The following ADK variants were observed in gnomAD, a reference collection of about 807,000 sequenced individuals.
The protein encoded by ADK is adenosine kinase, also known as N6,N6-dimethyladenosine kinase.
In ADK, 24 loss-of-function variants were observed where a neutral mutation model predicts 44.7. That is an observed-to-expected ratio of 0.54 (90% CI 0.39 to 0.76). ADK has a LOEUF of 0.76. ADK is among the 30% of genes least tolerant of loss of function. ADK has a pLI of 0.00. For synonymous variants in ADK, 128 were observed against 142.6 expected (o/e 0.90, Z 0.73); for missense variants, 321 against 425.1 (o/e 0.76, Z 2.15).
chr10:74,558,734 T>G (rs139080967), intron 7 of ADK, among the ~76,000 whole-genome samples: 227 of 152,308 alleles, frequency 1.5e-3, no homozygotes, highest in African/African-American at 5.1e-3. Flanking sequence ...TTTGGCTGGC[T>G]TTGAAGTGGG....
chr10:74,380,845 A>C (rs1391722952), intron 4 of ADK, among the ~76,000 whole-genome samples: 2 of 152,184 alleles, frequency 1.3e-5, no homozygotes, highest in African/African-American at 2.4e-5. Flanking sequence ...TAGTCATACT[A>C]CCTGTCAGGG....
chr10:74,279,115 C>T, intron 3 of ADK, among the ~76,000 whole-genome samples: 1 of 150,684 alleles, frequency 6.6e-6, no homozygotes, highest in African/African-American at 2.4e-5. Context: ...CTCATCTCTC[C>T]TAAAAATACA....
At chr10:74,371,748 G>C in intron 4 of ADK, 1 of 1,391,216 alleles carries the variant, frequency 7.2e-7, no homozygotes, top group Non-Finnish European at 1.0e-6. Context: ...TGAAAACCCT[G>C]CTGATGTCAG....
At chr10:74,601,936 A>AAAT (rs1554886702) in intron 9 of ADK, among the ~76,000 whole-genome samples, 1 of 143,186 alleles carries the variant, frequency 7.0e-6, no homozygotes, top group Admixed American at 7.0e-5. Flanking sequence ...ACAAAAAAAA[A>AAAT]TGGAAAAAAA....
chr10:74,690,301 C>A (rs936767425), intron 10 of ADK, among the ~76,000 whole-genome samples: 3 of 152,182 alleles, frequency 2.0e-5, no homozygotes, highest in Non-Finnish European at 4.4e-5. Flanking sequence ...TTGTTACCAG[C>A]CTGGGAAACA....
intron 3 of ADK, among the ~76,000 whole-genome samples, chr10:74,243,394 A>G (rs1246526843): frequency 6.6e-6 from 1 of 152,190 alleles, no homozygotes; most frequent in Non-Finnish European, 1.5e-5. Flanking sequence ...ACTGATATGA[A>G]ATGTACCAAA....
chr10:74,441,245 G>A (rs574405207), intron 6 of ADK, among the ~76,000 whole-genome samples: 1 of 152,294 alleles, frequency 6.6e-6, no homozygotes, highest in East Asian at 1.9e-4. Context: ...CACCCACTAG[G>A]ATGTCTATAA....
At chr10:74,460,689 G>A (rs1846145630) in intron 6 of ADK, among the ~76,000 whole-genome samples, 1 of 152,106 alleles carries the variant, frequency 6.6e-6, no homozygotes, top group Non-Finnish European at 1.5e-5. Flanking sequence ...TTTAACTGTA[G>A]TATATGTAAG....
intron 4 of ADK, among the ~76,000 whole-genome samples, chr10:74,384,964 A>T (rs1014069614): frequency 6.6e-6 from 1 of 152,202 alleles, no homozygotes; most frequent in Non-Finnish European, 1.5e-5. Context: ...GATTGGAGAA[A>T]AACAGAACTA....
chr10:74,498,244 T>G (rs948217683), intron 6 of ADK, among the ~76,000 whole-genome samples: 4 of 152,248 alleles, frequency 2.6e-5, no homozygotes, highest in Non-Finnish European at 4.4e-5. Flanking sequence ...TGTTATAGAA[T>G]AGTAAGTACA....
intron 7 of ADK, among the ~76,000 whole-genome samples, chr10:74,543,168 G>A (rs1423736834): frequency 6.6e-6 from 1 of 151,590 alleles, no homozygotes; most frequent in Non-Finnish European, 1.5e-5. Flanking sequence ...CCAAAGTGCT[G>A]GGATTACAGG....
At chr10:74,188,391 C>G (rs1181903642) in intron 1 of ADK, among the ~76,000 whole-genome samples, 1 of 128,212 alleles carries the variant, frequency 7.8e-6, no homozygotes, top group Non-Finnish European at 1.5e-5. Context: ...CTTTGTCACC[C>G]AGGCTGGAGT....
chr10:74,298,391 AT>A (rs1251111120), intron 3 of ADK, among the ~76,000 whole-genome samples: 3 of 152,126 alleles, frequency 2.0e-5, no homozygotes, highest in Non-Finnish European at 2.9e-5. Context: ...GCTAAAGAAT[AT>A]TTTCAGAAAA....
At chr10:74,222,774 C>T (rs902876725) in intron 2 of ADK, among the ~76,000 whole-genome samples, 12 of 149,298 alleles carry the variant, frequency 8.0e-5, no homozygotes, top group African/African-American at 2.5e-4. Context: ...AAAAACCAAA[C>T]ACCGCATATT....
intron 6 of ADK, among the ~76,000 whole-genome samples, chr10:74,480,996 T>G (rs534192560): frequency 1.3e-5 from 2 of 152,306 alleles, no homozygotes; most frequent in African/African-American, 4.8e-5. Flanking sequence ...ATGTCTTTCT[T>G]CTCTCATTTT....
chr10:74,272,216 T>G (rs1220761758), intron 3 of ADK, among the ~76,000 whole-genome samples: 1 of 152,214 alleles, frequency 6.6e-6, no homozygotes, highest in Non-Finnish European at 1.5e-5. Flanking sequence ...CATCTATTTC[T>G]TTGAAAATGT....
At chr10:74,425,063 A>G (rs1369315588) in intron 6 of ADK, among the ~76,000 whole-genome samples, 1 of 152,042 alleles carries the variant, frequency 6.6e-6, no homozygotes, top group African/African-American at 2.4e-5. Flanking sequence ...GCTTGTATTC[A>G]TTATTTGTGG....
At chr10:74,554,715 C>G (rs1589243478) in intron 7 of ADK, among the ~76,000 whole-genome samples, 1 of 151,042 alleles carries the variant, frequency 6.6e-6, no homozygotes, top group East Asian at 1.9e-4. Context: ...GAGGCCACGG[C>G]AGATGGATCG....
intron 4 of ADK, among the ~76,000 whole-genome samples, chr10:74,381,933 A>G (rs1842986757): frequency 6.6e-6 from 1 of 152,164 alleles, no homozygotes; most frequent in African/African-American, 2.4e-5. Context: ...TATACTAGAA[A>G]AAGTAAAGGA....
Sources: allele counts gnomAD v4.1 joint callset (sites outside exome capture counted in the v4.1 genomes callset), GRCh38; gene constraint gnomAD v4.1.1; transcripts MANE v1.5; gene names NCBI Gene and HGNC (gene_info 2026-07-23, HGNC 2026-07-21).